Variants in BCAP29 observed in about 807,000 individuals in gnomAD.
BCAP29 encodes the protein B cell receptor associated protein 29, also known as B-cell receptor-associated protein 29.
Under a neutral mutation model 31.8 loss-of-function variants are expected in BCAP29, and 34 were observed. The observed-to-expected ratio is 1.07, with a 90% CI of 0.81 to 1.42. The LOEUF (loss-of-function observed/expected upper bound fraction) is 1.42. BCAP29 is among the 40% of genes most tolerant of loss of function. The pLI is 0.00. For synonymous variants in BCAP29, 104 were observed against 91.3 expected (o/e 1.14, Z -0.79); for missense variants, 314 against 269.2 (o/e 1.17, Z -1.16).
intron 6 of BCAP29, among the ~76,000 whole-genome samples, chr7:107,611,522 C>T (rs1813125183): frequency 2.0e-5 from 3 of 152,138 alleles, no homozygotes; most frequent in African/African-American, 7.2e-5. Flanking sequence ...ATTTTATGTA[C>T]CAGAAATCCA....
At chr7:107,610,852 C>G (rs1396870104) in intron 6 of BCAP29, among the ~76,000 whole-genome samples, 1 of 152,100 alleles carries the variant, frequency 6.6e-6, no homozygotes, top group Non-Finnish European at 1.5e-5. Context: ...GTCAGAAATT[C>G]AAGTATAAAT....
intron 6 of BCAP29, among the ~76,000 whole-genome samples, chr7:107,605,716 G>A (rs988816298): frequency 1.3e-5 from 2 of 152,164 alleles, no homozygotes; most frequent in Admixed American, 6.5e-5. Flanking sequence ...TAATTACTTT[G>A]AATGCCTTGG....
intron 5 of BCAP29, among the ~76,000 whole-genome samples, chr7:107,599,128 TAAA>T (rs1184915315): frequency 7.9e-6 from 1 of 127,106 alleles, no homozygotes; most frequent in Non-Finnish European, 1.6e-5. Context: ...ATAAATATAT[TAAA>T]AATTTATATG....
intron 6 of BCAP29, among the ~76,000 whole-genome samples, chr7:107,602,053 T>C (rs998290711): frequency 1.7e-4 from 26 of 152,208 alleles, no homozygotes; most frequent in African/African-American, 6.3e-4. Flanking sequence ...AATCAGATTT[T>C]AGAAAAAATG....
intron 5 of BCAP29, among the ~76,000 whole-genome samples, chr7:107,599,036 A>T (rs1315123410): frequency 7.3e-6 from 1 of 137,556 alleles, no homozygotes; most frequent in Non-Finnish European, 1.5e-5. Context: ...TATATTAAAA[A>T]TTTGTATATA....
chr7:107,598,543 T>C (rs1319135113), intron 5 of BCAP29, among the ~76,000 whole-genome samples: 1 of 152,180 alleles, frequency 6.6e-6, no homozygotes, highest in Non-Finnish European at 1.5e-5. Flanking sequence ...TTCTACTAGA[T>C]TGAAGTTATT....
chr7:107,599,055 ATATT>A (rs1810426929), intron 5 of BCAP29, among the ~76,000 whole-genome samples: 3 of 137,330 alleles, frequency 2.2e-5, no homozygotes, highest in African/African-American at 8.1e-5. Context: ...TATATAAAAT[ATATT>A]TATAAATATA....
chr7:107,621,545 T>C (rs554670600), downstream of BCAP29: 1 of 369,776 alleles, frequency 2.7e-6, no homozygotes, highest in African/African-American at 2.1e-5. Flanking sequence ...GCAAAAGATA[T>C]GATTAAGTTA....
At chr7:107,603,482 A>G (rs1199922221) in intron 6 of BCAP29, 1 of 152,030 alleles carries the variant, frequency 6.6e-6, no homozygotes, top group African/African-American at 2.4e-5. Flanking sequence ...TAAAGGTTGA[A>G]TTAGCAGTAT....
chr7:107,592,292 T>G (rs1393537281), intron 3 of BCAP29, among the ~76,000 whole-genome samples: 2 of 152,188 alleles, frequency 1.3e-5, no homozygotes, highest in Non-Finnish European at 2.9e-5. Flanking sequence ...GAATAGATAT[T>G]TTTCCAAAGA....
chr7:107,584,022 T>G, intron 3 of BCAP29, 40 bp downstream of exon 3: 1 of 1,145,018 alleles, frequency 8.7e-7, no homozygotes, highest in Non-Finnish European at 1.2e-6. Flanking sequence ...TATAACTTTT[T>G]TTAAATGAAT....
chr7:107,593,902 C>T lies in BCAP29; in HGVS notation c.194-53C>T, dbSNP rs1277830891. The T allele has an allele frequency of 4.0e-6, 6 of 1,514,070 alleles. No homozygotes were observed. In the African/African-American group the frequency reaches 8.4e-5, roughly 21 times the overall value. 93.8% of individuals were successfully genotyped at this position (1,514,070 alleles called of 1,614,324 possible). A position where few individuals can be genotyped will look rare whatever the true frequency, so the allele number is the denominator to read the frequency against. On this transcript the variant is annotated intron_variant, in intron 3 of 7. Transcript: ENST00000005259. ...TTCTAAAACTGCTTTCCATTTTTAA[C>T]AAGCTTATATTCGTAAAAGCCAAAA...
intron 4 of BCAP29, chr7:107,594,310 T>G: frequency 1.9e-6 from 1 of 535,326 alleles, no homozygotes; most frequent in Non-Finnish European, 3.3e-6. Context: ...CTCTTCAACC[T>G]CTCATTTCTA....
rs1273119398 is a variant in BCAP29 at position 107,606,841 on chromosome 7, T to C, written c.589+6336T>C. On this transcript the variant is annotated intron_variant, in intron 6 of 7. Transcript: ENST00000005259. ...CTAGATCTCTAGAGGTCTTCCCAGC[T>C]CTGAGAGCCTTTGTTATAAAAGGGA... Among the ~76,000 whole-genome samples, 3 of 152,240 alleles carry C rather than the reference T, an allele frequency of 2.0e-5. No homozygotes were observed. In the South Asian group the frequency reaches 6.2e-4, roughly 31 times the overall value.
intron 5 of BCAP29, chr7:107,600,109 A>C (rs146375009): frequency 8.3e-4 from 301 of 363,074 alleles, no homozygotes; most frequent in African/African-American, 5.8e-3. Context: ...AGAAAGACTG[A>C]CGTTATTTAC....
Position 107,580,301 on chromosome 7 carries a change from G to T in BCAP29, c.-15G>T, listed in dbSNP as rs1479304895. On this transcript the variant is annotated splice_region_variant and 5_prime_UTR_variant, in exon 1 of 8. Transcript: ENST00000005259. ...CAGGGAGCCAGGCGGGCTGCCGGCG[G>T]GTAAGGGCTTCTGCGACCCGGGGAC... 1 of 152,432 alleles carries T rather than the reference G, an allele frequency of 6.6e-6. No individual in the cohort carries two copies. The highest frequency in any genetic ancestry group is 2.4e-5 in the African/African-American group (1 of 41,416). 9.4% of individuals were successfully genotyped at this position (152,432 alleles called of 1,614,324 possible).
At chr7:107,585,535 AT>A (rs1369848456) in intron 3 of BCAP29, among the ~76,000 whole-genome samples, 1 of 152,138 alleles carries the variant, frequency 6.6e-6, no homozygotes, top group African/African-American at 2.4e-5. Flanking sequence ...CCTGGGTTTG[AT>A]TTATTCATCT....
chr7:107,615,744 A>C (rs1434110147), intron 7 of BCAP29: 1 of 178,484 alleles, frequency 5.6e-6, no homozygotes, highest in Non-Finnish European at 1.2e-5. Context: ...ACTTGATCTA[A>C]TTTCTGCTTG....
At chr7:107,603,522 C>G (rs1477995847) in intron 6 of BCAP29, 1 of 151,524 alleles carries the variant, frequency 6.6e-6, no homozygotes, top group East Asian at 1.9e-4. Context: ...AAAGAGAAAA[C>G]AGTAATTGGG....
Sources: allele counts gnomAD v4.1 joint callset (sites outside exome capture counted in the v4.1 genomes callset), GRCh38; gene constraint gnomAD v4.1.1; transcripts MANE v1.5; gene names NCBI Gene and HGNC (gene_info 2026-07-23, HGNC 2026-07-21).